Variants in CSMD1 observed in about 807,000 individuals in gnomAD.
CSMD1 encodes CUB and sushi domain-containing protein 1.
In CSMD1, 213 loss-of-function variants were observed where a neutral mutation model predicts 417.5. The observed-to-expected ratio is 0.51, with a 90% CI of 0.46 to 0.57. CSMD1 has a LOEUF of 0.57. Ranked by LOEUF, CSMD1 falls within the 20% of genes least tolerant of loss-of-function variation. The probability of loss-of-function intolerance (pLI) is 0.00; values close to 1 mark genes in which losing one functional copy is unlikely to be tolerated. For missense variants in CSMD1, 6,923 were observed against 4,529.7 expected (o/e 1.53, Z -15.17); for synonymous variants, 2,862 against 1,736.8 (o/e 1.65, Z -16.11).
chr8:4,455,929 CAAAAAAAAAAAAAAAAAAAA>C lies in CSMD1; in HGVS notation c.303-35884_303-35865del, dbSNP rs71207091. On this transcript the variant is annotated intron_variant, in intron 2 of 69. Transcript: ENST00000635120. ...GGGTGACAAAGTGAGACTCCAACTC[CAAAAAAAAAAAAAAAAAAAA>C]AAAAAAAAAAAAAATGCAGTTAAGA... Among the ~76,000 whole-genome samples the C allele has an allele frequency of 6.9e-4, 8 of 11,650 alleles. 1 individual carries two copies. Among genetic ancestry groups the C allele is most frequent in the Middle Eastern group, 0.25 (1 of 4 alleles). 7.6% of individuals were successfully genotyped at this position (11,650 alleles called of 152,430 possible).
chr8:4,037,157 G>A (rs973642131), intron 3 of CSMD1, among the ~76,000 whole-genome samples: 2 of 152,216 alleles, frequency 1.3e-5, no homozygotes, highest in African/African-American at 2.4e-5. Flanking sequence ...GAGCTCACAT[G>A]TGTGTCAGTG....
intron 3 of CSMD1, among the ~76,000 whole-genome samples, chr8:4,342,314 T>C (rs1318209880): frequency 6.6e-6 from 1 of 152,096 alleles, no homozygotes; most frequent in African/African-American, 2.4e-5. Context: ...GTGTGCAATG[T>C]ATGTAAAACA....
At chr8:4,452,895 G>C (rs1231168314) in intron 2 of CSMD1, among the ~76,000 whole-genome samples, 1 of 152,170 alleles carries the variant, frequency 6.6e-6, no homozygotes, top group Non-Finnish European at 1.5e-5. Flanking sequence ...ATTCAGTAGA[G>C]AAGCAACGAT....
intron 23 of CSMD1, among the ~76,000 whole-genome samples, chr8:3,334,822 T>C (rs1807145932): frequency 6.6e-6 from 1 of 151,894 alleles, no homozygotes; most frequent in Non-Finnish European, 1.5e-5. Flanking sequence ...AAACTGAGTA[T>C]GACCAGGCAG....
At chr8:3,525,856 C>A (rs1384024913) in intron 10 of CSMD1, among the ~76,000 whole-genome samples, 2 of 152,178 alleles carry the variant, frequency 1.3e-5, no homozygotes, top group South Asian at 2.1e-4. Flanking sequence ...CTCCAGAACC[C>A]CCATTAGAAA....
intron 48 of CSMD1, 118 bp from the exon 49 acceptor site, chr8:3,087,403 G>A (rs1814618861): frequency 9.8e-7 from 1 of 1,024,992 alleles, no homozygotes; most frequent in African/African-American, 1.6e-5. Context: ...TAGGAAATGA[G>A]CACCAGTATG....
intron 5 of CSMD1, among the ~76,000 whole-genome samples, chr8:3,977,737 G>T (rs1006730567): frequency 3.3e-5 from 5 of 152,080 alleles, no homozygotes; most frequent in East Asian, 1.9e-4. Flanking sequence ...ATTAATTTTG[G>T]TCTTCACAAT....
In CSMD1 at chr8:3,795,718, C is replaced by A. The variant is rs189079719; in HGVS notation, c.819-41676G>T. Among the ~76,000 whole-genome samples, 5 of 38,444 alleles carry A rather than the reference C, an allele frequency of 1.3e-4. 2 individuals carry two copies. The highest frequency in any genetic ancestry group is 2.6e-4 in the Non-Finnish European group (5 of 19,054). The allele number at this position is 38,444 out of a possible 152,430, so 25.2% of individuals were successfully genotyped here. On this transcript the variant is annotated intron_variant, in intron 5 of 69. Transcript: ENST00000635120. Reference sequence around the variant, plus strand: ...ATAGATATATATCTATCAAGTACAGCTATAGATATCTATCATGTACAGCTA... The same window carrying A: ...ATAGATATATATCTATCAAGTACAGATATAGATATCTATCATGTACAGCTA...
At chr8:3,887,502 G>C (rs10099358) in intron 5 of CSMD1, among the ~76,000 whole-genome samples, 2,454 of 152,278 alleles carry the variant, frequency 0.016, 69 homozygotes, top group African/African-American at 0.055. Context: ...CTGAACATTA[G>C]AGTTGCCTGT....
chr8:4,318,793 G>A (rs919539945), intron 3 of CSMD1, among the ~76,000 whole-genome samples: 3 of 151,002 alleles, frequency 2.0e-5, no homozygotes, highest in South Asian at 2.1e-4. Context: ...GTATTTACAA[G>A]CAAGTTAATT....
intron 1 of CSMD1, among the ~76,000 whole-genome samples, chr8:4,772,085 C>G (rs781504705): frequency 1.3e-4 from 20 of 152,276 alleles, no homozygotes; most frequent in Non-Finnish European, 2.1e-4. Context: ...TTTCTTCCTG[C>G]AGGCTTGACG....
intron 3 of CSMD1, among the ~76,000 whole-genome samples, chr8:4,335,101 A>G (rs1367282915): frequency 2.0e-5 from 3 of 152,032 alleles, no homozygotes; most frequent in African/African-American, 4.8e-5. Flanking sequence ...AGAGCCACAC[A>G]ATGTTGCCCA....
chr8:4,749,321 C>A (rs1304361141), intron 1 of CSMD1, among the ~76,000 whole-genome samples: 1 of 152,178 alleles, frequency 6.6e-6, no homozygotes, highest in Non-Finnish European at 1.5e-5. Flanking sequence ...ATTGGAGTAT[C>A]ACAAAATCTT....
intron 7 of CSMD1, among the ~76,000 whole-genome samples, chr8:3,653,215 C>G (rs2449206): frequency 0.88 from 133,255 of 151,972 alleles, 58,664 homozygotes; most frequent in Non-Finnish European, 0.92. Context: ...TATTTCCAAA[C>G]TTTTCTTATT....
chr8:4,190,526 T>G (rs1197384027), intron 3 of CSMD1, among the ~76,000 whole-genome samples: 1 of 142,720 alleles, frequency 7.0e-6, no homozygotes, highest in East Asian at 2.1e-4. Context: ...AATTAAAATT[T>G]TACATACACA....
chr8:4,293,913 T>G (rs1432946013), intron 3 of CSMD1, among the ~76,000 whole-genome samples: 1 of 151,882 alleles, frequency 6.6e-6, no homozygotes, highest in Non-Finnish European at 1.5e-5. Flanking sequence ...GTCCTATTAG[T>G]GTCTACTGTA....
intron 33 of CSMD1, among the ~76,000 whole-genome samples, chr8:3,192,129 G>A (rs904689377): frequency 6.6e-6 from 1 of 152,170 alleles, no homozygotes; most frequent in African/African-American, 2.4e-5. Flanking sequence ...ATTTGGTGTT[G>A]AGATATTTTC....
intron 1 of CSMD1, among the ~76,000 whole-genome samples, chr8:4,776,581 C>A (rs1361557737): frequency 2.0e-5 from 3 of 152,096 alleles, no homozygotes; most frequent in East Asian, 3.9e-4. Context: ...TCCACTTCTG[C>A]ATAAACGTTC....
chr8:4,674,763 G>C lies in CSMD1; in HGVS notation c.86-37205C>G, dbSNP rs190228505. ...CAAGGTTTCCTGGCCTAGAGTATCA[G>C]CATGCTATAGATTGAATCGTGTCCC... On this transcript the variant is annotated intron_variant, in intron 1 of 69. Transcript: ENST00000635120. 8.9e-4 allele frequency among the ~76,000 whole-genome samples: 136 copies of C among 152,274 alleles called. No individual in the cohort carries two copies. In the Middle Eastern group the frequency reaches 0.01, roughly 11 times the overall value.
Sources: allele counts gnomAD v4.1 joint callset (sites outside exome capture counted in the v4.1 genomes callset), GRCh38; gene constraint gnomAD v4.1.1; transcripts MANE v1.5; gene names NCBI Gene and HGNC (gene_info 2026-07-23, HGNC 2026-07-21).